FBXL13: variants seen among roughly 807,000 people sequenced by gnomAD.
The protein encoded by FBXL13 is F-box and leucine rich repeat protein 13.
Under a neutral mutation model 83.6 loss-of-function variants are expected in FBXL13, and 67 were observed. The ratio of observed to expected loss-of-function variants is 0.80; its 90% CI spans 0.66 to 0.98. The LOEUF (loss-of-function observed/expected upper bound fraction) is 0.98, where lower values mean the gene tolerates loss of function less well. Ranked by LOEUF, FBXL13 falls within the 50% of genes least tolerant of loss-of-function variation. FBXL13 has a pLI of 0.00. For synonymous variants in FBXL13, 272 were observed against 299.5 expected (o/e 0.91, Z 0.95); for missense variants, 822 against 866.5 (o/e 0.95, Z 0.64).
chr7:102,996,742 T>C (rs549106458), intron 6 of FBXL13, among the ~76,000 whole-genome samples: 1 of 152,314 alleles, frequency 6.6e-6, no homozygotes, highest in South Asian at 2.1e-4. Flanking sequence ...TTCCCCTCTC[T>C]GGCCTGGTAA....
intron 11 of FBXL13, among the ~76,000 whole-genome samples, chr7:102,901,787 G>A (rs968522227): frequency 8.5e-5 from 13 of 152,120 alleles, no homozygotes; most frequent in African/African-American, 3.1e-4. Context: ...TGGCTGAATA[G>A]TACTGCATTG....
intron 6 of FBXL13, among the ~76,000 whole-genome samples, chr7:102,997,847 C>G (rs1789975260): frequency 6.6e-6 from 1 of 152,226 alleles, no homozygotes; most frequent in Non-Finnish European, 1.5e-5. Flanking sequence ...GACAGATACT[C>G]TTGGTCATTG....
downstream of FBXL13, among the ~76,000 whole-genome samples, chr7:102,812,000 G>A (rs1039634223): frequency 2.6e-5 from 4 of 152,132 alleles, no homozygotes; most frequent in South Asian, 2.1e-4. Context: ...TCAAAATAAC[G>A]ATGCTTTATC....
At chr7:103,033,182 CTTT>C (rs1227519277) in intron 2 of FBXL13, among the ~76,000 whole-genome samples, 10 of 151,996 alleles carry the variant, frequency 6.6e-5, no homozygotes, top group Admixed American at 3.3e-4. Flanking sequence ...TTTTGTTTTT[CTTT>C]TTTTTCTTTT....
At chr7:102,824,037 T>G (rs1290524795) in intron 18 of FBXL13, among the ~76,000 whole-genome samples, 1 of 152,088 alleles carries the variant, frequency 6.6e-6, no homozygotes, top group Non-Finnish European at 1.5e-5. Flanking sequence ...GAGTTCAGAG[T>G]AGCAGGTTTG....
exon 19 of FBXL13, chr7:102,822,103 T>C (rs1798879781): frequency 6.2e-7 from 1 of 1,614,208 alleles, no homozygotes; most frequent in East Asian, 2.2e-5. Context: ...TATCTGAAGG[T>C]CCTCAAGGAT....
chr7:103,005,476 TA>T (rs921626607), intron 6 of FBXL13, among the ~76,000 whole-genome samples: 70 of 147,968 alleles, frequency 4.7e-4, no homozygotes, highest in African/African-American at 1.3e-3. Flanking sequence ...TAGGCTGCCA[TA>T]AAAAAAAAAT....
At chr7:102,872,846 T>C (rs1808706949) in intron 16 of FBXL13, among the ~76,000 whole-genome samples, 1 of 152,212 alleles carries the variant, frequency 6.6e-6, no homozygotes, top group Non-Finnish European at 1.5e-5. Context: ...ATCCTGTTTA[T>C]ATTAGAAGAG....
At chr7:103,009,787 C>A (rs1210573251) in intron 6 of FBXL13, among the ~76,000 whole-genome samples, 1 of 152,212 alleles carries the variant, frequency 6.6e-6, no homozygotes, top group Non-Finnish European at 1.5e-5. Context: ...AGCCACTCAA[C>A]CCAACTCTGC....
At chr7:102,953,448 C>A (rs1823740501) in intron 8 of FBXL13, among the ~76,000 whole-genome samples, 1 of 151,852 alleles carries the variant, frequency 6.6e-6, no homozygotes, top group Non-Finnish European at 1.5e-5. Context: ...AGGCATTTGA[C>A]AAAATCCCAT....
chr7:103,000,262 C>T (rs1790253318), intron 6 of FBXL13, among the ~76,000 whole-genome samples: 1 of 152,058 alleles, frequency 6.6e-6, no homozygotes, highest in Non-Finnish European at 1.5e-5. Context: ...AATCCAATCC[C>T]AACACTTTGA....
intron 8 of FBXL13, among the ~76,000 whole-genome samples, chr7:102,957,160 C>T (rs1362938098): frequency 4.6e-5 from 7 of 152,330 alleles, no homozygotes; most frequent in South Asian, 2.1e-4. Context: ...GTAACCAAAA[C>T]GGCATGGTAC....
chr7:102,871,510 C>G (rs911785176), intron 16 of FBXL13, among the ~76,000 whole-genome samples: 1 of 151,976 alleles, frequency 6.6e-6, no homozygotes, highest in Non-Finnish European at 1.5e-5. Context: ...CTCAGCCCCC[C>G]AGGTAGCTGG....
At chr7:102,942,454 G>T (rs1263100679) in intron 8 of FBXL13, 3 of 848,868 alleles carry the variant, frequency 3.5e-6, no homozygotes, top group Non-Finnish European at 3.4e-6. Context: ...CTACTAGGGG[G>T]TTTTTACCTC....
At chr7:102,976,834 T>C (rs932357572) in intron 6 of FBXL13, among the ~76,000 whole-genome samples, 7 of 152,178 alleles carry the variant, frequency 4.6e-5, no homozygotes, top group African/African-American at 1.7e-4. Flanking sequence ...ATGGAACTTA[T>C]CGCTTAGTCC....
intron 2 of FBXL13, chr7:103,047,041 C>T (rs1481194524): frequency 7.2e-5 from 11 of 152,132 alleles, no homozygotes; most frequent in South Asian, 4.2e-4. Context: ...TATACTGTGG[C>T]GTAATAATTA....
At position 103,038,667 on chromosome 7, in the gene FBXL13, A is replaced by G. The variant is rs535340346; in HGVS notation, c.1-9249T>C. Among the ~76,000 whole-genome samples, 271 of 152,330 alleles carry G rather than the reference A, an allele frequency of 1.8e-3. 1 individual carries two copies. Among genetic ancestry groups the G allele is most frequent in the African/African-American group, 6.3e-3 (264 of 41,592 alleles). On this transcript the variant is annotated intron_variant, in intron 2 of 19. Transcript: ENST00000313221. ...GTTCTGCAGCCTCCACTGGTGATAC[A>G]TAGGCAAACAAGGTCTGGAGTGGAC... is the stretch of plus-strand genomic sequence containing the variant.
chr7:102,939,407 G>A (rs112055379), intron 8 of FBXL13: 151 of 1,590,466 alleles, frequency 9.5e-5, no homozygotes, highest in African/African-American at 2.2e-4. Context: ...GCATAATAAC[G>A]TAAATATTAT....
intron 16 of FBXL13, among the ~76,000 whole-genome samples, chr7:102,857,270 A>T (rs1441038645): frequency 6.6e-6 from 1 of 152,204 alleles, no homozygotes; most frequent in Non-Finnish European, 1.5e-5. Flanking sequence ...AACAAAGGAA[A>T]CAATAAACAA....
Sources: gnomAD v4.1 joint callset for allele counts (sites outside exome capture counted in the v4.1 genomes callset) on GRCh38, gnomAD v4.1.1 for gene constraint, MANE v1.5 for transcripts, NCBI Gene and HGNC (gene_info 2026-07-23, HGNC 2026-07-21) for gene names.